The following PTPRK variants were observed in gnomAD, a reference collection of about 807,000 sequenced individuals.
PTPRK encodes the protein protein tyrosine phosphatase receptor type K.
A neutral mutation model predicts 178.0 loss-of-function variants in PTPRK; 75 were observed. That is an observed-to-expected ratio of 0.42 (90% CI 0.35 to 0.51). The LOEUF is 0.51. PTPRK is among the 20% of genes least tolerant of loss of function. PTPRK has a pLI of 0.02. For synonymous variants in PTPRK, 637 were observed against 620.6 expected, an observed-to-expected ratio of 1.03 and a Z score of -0.39; for missense variants, 1,441 against 1,797.8, an observed-to-expected ratio of 0.80 and a Z score of 3.59.
intron 1 of PTPRK, among the ~76,000 whole-genome samples, chr6:128,463,522 C>A (rs896662247): frequency 2.0e-5 from 3 of 152,188 alleles, no homozygotes; most frequent in Middle Eastern, 6.8e-3. Context: ...GTTTACCAAC[C>A]ATTCAAGGCC....
chr6:128,085,684 T>C lies in PTPRK; in HGVS notation c.1466-1860A>G, dbSNP rs376040237. Among the ~76,000 whole-genome samples the C allele has an allele frequency of 3.3e-5, 5 of 152,354 alleles. No individual in the cohort carries two copies. In the East Asian group the frequency reaches 5.8e-4, roughly 18 times the overall value. On this transcript the variant is annotated intron_variant, in intron 8 of 29. Coordinates refer to ENST00000368226, the MANE Select transcript of PTPRK (RefSeq NM_002844.4). The stretch of plus-strand genomic sequence containing the variant: ...TTGAAAAAGGAGTAGAATTGGGAAG[T>C]ACCTTCCCTAGAAGTTTTGTATTTC...
At chr6:127,980,174 G>C (rs1050250873) in intron 25 of PTPRK, among the ~76,000 whole-genome samples, 1 of 152,250 alleles carries the variant, frequency 6.6e-6, no homozygotes, top group Non-Finnish European at 1.5e-5. Context: ...GCCGTGCATG[G>C]TGGTGCATGC....
At chr6:128,464,632 TATACAC>T (rs1473689176) in intron 1 of PTPRK, among the ~76,000 whole-genome samples, 14 of 53,682 alleles carry the variant, frequency 2.6e-4, no homozygotes, top group African/African-American at 7.4e-4. Context: ...TATATATATA[TATACAC>T]ATATATATAT....
chr6:128,240,778 T>A, intron 4 of PTPRK, among the ~76,000 whole-genome samples: 1 of 152,188 alleles, frequency 6.6e-6, no homozygotes, highest in East Asian at 1.9e-4. Flanking sequence ...TAAATACCCA[T>A]ATTAGACTAA....
chr6:128,344,999 G>T (rs972537410), intron 2 of PTPRK, among the ~76,000 whole-genome samples: 8 of 150,600 alleles, frequency 5.3e-5, no homozygotes, highest in Middle Eastern at 3.6e-3. Flanking sequence ...TAGGAGAATG[G>T]GGGGGGAAAG....
rs112319643 is a variant in PTPRK, at chr6:128,287,573, A to G, written c.495+34466T>C. Among the ~76,000 whole-genome samples, 901 of 152,308 alleles carry G rather than the reference A, an allele frequency of 5.9e-3. 11 individuals are homozygous for G. The highest frequency in any genetic ancestry group is 0.021 in the African/African-American group (861 of 41,568). On this transcript the variant is annotated intron_variant, in intron 3 of 29. Coordinates refer to ENST00000368226, the MANE Select transcript of PTPRK (RefSeq NM_002844.4). ...CTAAGTTCCTCTTACCTGTAAATTC[A>G]ACATCACAAACCACAGTATAGCCAC...
intron 1 of PTPRK, among the ~76,000 whole-genome samples, chr6:128,456,441 T>TA (rs202135665): frequency 0.017 from 2,512 of 151,262 alleles, 30 homozygotes; most frequent in Non-Finnish European, 0.027. Context: ...TTACCCTGAG[T>TA]AAAAAAAATG....
intron 5 of PTPRK, among the ~76,000 whole-genome samples, chr6:128,234,454 G>A (rs1019344348): frequency 1.3e-5 from 2 of 152,130 alleles, no homozygotes; most frequent in Non-Finnish European, 1.5e-5. Flanking sequence ...CATTACCCTA[G>A]AGAATTTCCC....
intron 2 of PTPRK, among the ~76,000 whole-genome samples, chr6:128,344,243 T>C (rs1832088382): frequency 1.3e-5 from 2 of 152,164 alleles, no homozygotes; most frequent in Non-Finnish European, 2.9e-5. Flanking sequence ...AAGGTGAATA[T>C]GTTTCTTATG....
chr6:128,493,428 G>A (rs570322115), intron 1 of PTPRK, among the ~76,000 whole-genome samples: 91 of 151,880 alleles, frequency 6.0e-4, no homozygotes, highest in Non-Finnish European at 1.1e-3. Context: ...TGGGCATGGT[G>A]GCAGGCGCCT....
intron 2 of PTPRK, among the ~76,000 whole-genome samples, chr6:128,329,681 T>A (rs7742250): frequency 0.97 from 147,904 of 152,212 alleles, 71,993 homozygotes; most frequent in East Asian, 1. Flanking sequence ...TCCTTATTCA[T>A]CTCAGTACTT....
intron 2 of PTPRK, among the ~76,000 whole-genome samples, chr6:128,390,299 G>A (rs1239838954): frequency 6.6e-6 from 1 of 152,080 alleles, no homozygotes; most frequent in Admixed American, 6.6e-5. Context: ...CGCAGCAAGT[G>A]TTTATCAAAT....
intron 20 of PTPRK, 135 bp downstream of exon 20, chr6:127,991,159 A>C (rs1445878543): frequency 3.1e-6 from 2 of 649,040 alleles, no homozygotes; most frequent in Admixed American, 3.4e-5. Flanking sequence ...AGGTCTACTT[A>C]GAAGTACTCA....
rs578131080 is a variant in PTPRK, at chr6:128,169,545, C to T, written c.1162+14887G>A. Among the ~76,000 whole-genome samples, 3 of 151,928 alleles carry T rather than the reference C, an allele frequency of 2.0e-5. No homozygotes were observed. In the South Asian group the frequency reaches 6.2e-4, roughly 32 times the overall value. On this transcript the variant is annotated intron_variant, in intron 7 of 29. Transcript: ENST00000368226. The stretch of plus-strand genomic sequence containing the variant: ...AAAGTTAATAGATGAGAAAATTACC[C>T]ATACAATTATTTCCTGATCTCCACA...
chr6:128,209,821 T>A (rs1021705697), intron 6 of PTPRK, among the ~76,000 whole-genome samples: 1 of 151,956 alleles, frequency 6.6e-6, no homozygotes, highest in Admixed American at 6.6e-5. Flanking sequence ...TTAAAGCAAG[T>A]GAAAGAAAAC....
At chr6:128,424,090 A>T (rs1377877900) in intron 1 of PTPRK, among the ~76,000 whole-genome samples, 1 of 150,774 alleles carries the variant, frequency 6.6e-6, no homozygotes, top group Admixed American at 6.6e-5. Context: ...AAAATTAGCC[A>T]GGCATGCTGG....
chr6:128,011,767 A>G (rs1386485425), intron 13 of PTPRK, among the ~76,000 whole-genome samples: 9 of 151,184 alleles, frequency 6.0e-5, no homozygotes, highest in Admixed American at 1.3e-4. Context: ...ATGTAAACAT[A>G]TTTCCAGAAA....
chr6:128,168,420 A>G (rs1799723981), intron 7 of PTPRK, among the ~76,000 whole-genome samples: 1 of 152,074 alleles, frequency 6.6e-6, no homozygotes, highest in African/African-American at 2.4e-5. Flanking sequence ...CACCTTGTGG[A>G]GATATCTGTA....
intron 7 of PTPRK, among the ~76,000 whole-genome samples, chr6:128,164,994 A>C (rs6926332): frequency 0.086 from 12,980 of 151,322 alleles, 709 homozygotes; most frequent in Non-Finnish European, 0.11. Context: ...ATATCATAGC[A>C]AACATAACAG....
Sources: gnomAD v4.1 joint callset for allele counts (sites outside exome capture counted in the v4.1 genomes callset) on GRCh38, gnomAD v4.1.1 for gene constraint, MANE v1.5 for transcripts, NCBI Gene and HGNC (gene_info 2026-07-23, HGNC 2026-07-21) for gene names.